PCDHGB6: variants seen among roughly 807,000 people sequenced by gnomAD.
PCDHGB6 encodes the protein protocadherin gamma subfamily B, 6.
A neutral mutation model predicts 59.1 loss-of-function variants in PCDHGB6; 51 were observed. The ratio of observed to expected loss-of-function variants is 0.86; its 90% CI spans 0.69 to 1.09. The LOEUF is 1.09. Among genes scored for constraint, PCDHGB6 ranks in the 50% least tolerant of loss-of-function variants. The pLI, the probability that PCDHGB6 is intolerant of heterozygous loss-of-function variation, is 0.00. For synonymous variants in PCDHGB6, 466 were observed against 495.1 expected (o/e 0.94, Z 0.78); for missense variants, 1,148 against 1,205.1 (o/e 0.95, Z 0.70).
chr5:141,474,710 A>T (rs535069070), intron 1 of PCDHGB6, among the ~76,000 whole-genome samples: 31 of 152,330 alleles, frequency 2.0e-4, no homozygotes, highest in African/African-American at 6.3e-4. Context: ...GTTCTATTAT[A>T]CTTCAAAAGG....
At chr5:141,439,523 T>A (rs2098118339) in intron 1 of PCDHGB6, among the ~76,000 whole-genome samples, 1 of 152,202 alleles carries the variant, frequency 6.6e-6, no homozygotes, top group African/African-American at 2.4e-5. Context: ...CAACTAACTC[T>A]ACAGAACGCT....
Position 141,432,236 on chromosome 5 carries a change from G to A in PCDHGB6, c.2418+21616G>A, listed in dbSNP as rs752735346. On this transcript the variant is annotated intron_variant, in intron 1 of 3. Coordinates refer to ENST00000520790, the MANE Select transcript of PCDHGB6 (RefSeq NM_018926.3). This position sits in a 1 kb window ranked among gnomAD's most constrained non-coding sequence, Gnocchi z 6.0. ...CGCCCAGATCACTTATTCCCTGGCT[G>A]AGAACACCATCCAAGGGGCAAGCCT... is the stretch of plus-strand genomic sequence containing the variant. The A allele has an allele frequency of 8.7e-6, 14 of 1,614,130 alleles. No individual in the cohort carries two copies. The African/African-American group carries it at 9.3e-5, about 11-fold the overall frequency.
chr5:141,413,600 T>C lies in PCDHGB6; in HGVS notation c.2418+2980T>C, dbSNP rs767830855. The C allele has an allele frequency of 3.7e-6, 6 of 1,613,868 alleles. No individual in the cohort carries two copies. The Admixed American group carries it at 8.3e-5, about 22-fold the overall frequency. Reference sequence around the variant, plus strand: ...GCTCCAAAATTCCAAGCAGAAAATCTAGACGTAAAAATTAATGAAAATGTC... The same window carrying C: ...GCTCCAAAATTCCAAGCAGAAAATCCAGACGTAAAAATTAATGAAAATGTC... On this transcript the variant is annotated intron_variant, in intron 1 of 3. Transcript: ENST00000520790.
chr5:141,430,832 G>A (rs1398773861), intron 1 of PCDHGB6: 1 of 1,555,686 alleles, frequency 6.4e-7, no homozygotes, highest in South Asian at 1.3e-5. Flanking sequence ...GACTCTGTGG[G>A]AGACCGGATG....
Position 141,511,628 on chromosome 5 carries a change from G to C in PCDHGB6, c.*455G>C, listed in dbSNP as rs4912608. 0.2 allele frequency: 46,780 copies of C among 231,598 alleles called. 5,185 individuals are homozygous for C. The highest frequency in any genetic ancestry group is 0.32 in the Admixed American group (6,204 of 19,590). The allele number at this position is 231,598 out of a possible 1,614,324, so 14.3% of individuals were successfully genotyped here. A position where few individuals can be genotyped will look rare whatever the true frequency, so the allele number is the denominator to read the frequency against. On this transcript the variant is annotated 3_prime_UTR_variant, in exon 4 of 4. Transcript: ENST00000520790. ...CAAGCCTCCTAGTTCTGAAAAGTTG[G>C]AAGGGCATCATGACCTCTTGGCCTC...
At chr5:141,459,863 G>A (rs182099511) in intron 1 of PCDHGB6, among the ~76,000 whole-genome samples, 2 of 152,242 alleles carry the variant, frequency 1.3e-5, no homozygotes, top group East Asian at 1.9e-4. Context: ...TGAAGCATTC[G>A]TTCATCTTTA....
At position 141,487,235 on chromosome 5, in the gene PCDHGB6, C is replaced by A. The variant is rs752316565; in HGVS notation, c.2419-7572C>A. ...TTCAGCTCCAAGGGAAGGAGAATCT[C>A]GTCTAACCCTCTACTTGGCTGTGTC... On this transcript the variant is annotated intron_variant, in intron 1 of 3. Coordinates refer to ENST00000520790, the MANE Select transcript of PCDHGB6 (RefSeq NM_018926.3). This position sits in a 1 kb window ranked among gnomAD's most constrained non-coding sequence, Gnocchi z 5.0. 11 of 1,614,126 alleles carry A rather than the reference C, an allele frequency of 6.8e-6. No homozygotes were observed. The highest frequency in any genetic ancestry group is 7.6e-6 in the Non-Finnish European group (9 of 1,179,994).
intron 1 of PCDHGB6, among the ~76,000 whole-genome samples, chr5:141,475,171 C>A (rs545499118): frequency 6.6e-6 from 1 of 152,164 alleles, no homozygotes; most frequent in African/African-American, 2.4e-5. Context: ...AGCAGTGCAA[C>A]TTCTTGTGGC....
intron 1 of PCDHGB6, among the ~76,000 whole-genome samples, chr5:141,481,063 C>T (rs2154578481): frequency 6.6e-6 from 1 of 151,952 alleles, no homozygotes; most frequent in Middle Eastern, 3.4e-3. Context: ...ACCTCAAAAA[C>T]AAAAAGAAAG....
At chr5:141,469,374 A>G (rs1270202528) in intron 1 of PCDHGB6, among the ~76,000 whole-genome samples, 1 of 152,076 alleles carries the variant, frequency 6.6e-6, no homozygotes, top group Non-Finnish European at 1.5e-5. Flanking sequence ...AAAGAGATCG[A>G]GACCATCCTG....
chr5:141,491,071 C>A lies in PCDHGB6; in HGVS notation c.2419-3736C>A, dbSNP rs987564933. ...TGCGTGGCTCTCCTACTCACTGTTG[C>A]CACAGTCCACAGCCCCAGGACTGTT... On this transcript the variant is annotated intron_variant, in intron 1 of 3. Transcript: ENST00000520790. This position sits in a 1 kb window ranked among gnomAD's most constrained non-coding sequence, Gnocchi z 6.9. 2 of 1,614,034 alleles carry A rather than the reference C, an allele frequency of 1.2e-6. No individual in the cohort carries two copies. The highest frequency in any genetic ancestry group is 1.7e-6 in the Non-Finnish European group (2 of 1,180,036).
chr5:141,419,662 T>C (rs767190243), intron 1 of PCDHGB6: 140 of 1,612,700 alleles, frequency 8.7e-5, no homozygotes, highest in South Asian at 2.2e-5. Flanking sequence ...CGGGGCACAA[T>C]GCCTGGCTGT....
intron 1 of PCDHGB6, among the ~76,000 whole-genome samples, chr5:141,474,643 CCTTA>C (rs1474125632): frequency 1.3e-5 from 2 of 152,134 alleles, no homozygotes; most frequent in Admixed American, 1.3e-4. Flanking sequence ...TCCTATATAT[CCTTA>C]CTTCTTTTCT....
rs766784928 is a variant in PCDHGB6, at chr5:141,431,447, G to T, written c.2418+20827G>T. ...GCGCACAGGCACCGCGCGCATCCGC[G>T]TGATGGTTCTGGATGCGAACGACAA... On this transcript the variant is annotated intron_variant, in intron 1 of 3. Coordinates refer to ENST00000520790, the MANE Select transcript of PCDHGB6 (RefSeq NM_018926.3). The surrounding 1 kb of genome is among the most constrained non-coding windows in gnomAD (Gnocchi z 4.8). 2 of 1,613,792 alleles carry T rather than the reference G, an allele frequency of 1.2e-6. No individual in the cohort carries two copies. The highest frequency in any genetic ancestry group is 1.7e-6 in the Non-Finnish European group (2 of 1,180,014).
chr5:141,473,930 G>T (rs966856411), intron 1 of PCDHGB6, among the ~76,000 whole-genome samples: 3 of 152,156 alleles, frequency 2.0e-5, no homozygotes, highest in Admixed American at 6.5e-5. Flanking sequence ...TGAGCTGGGT[G>T]CAGTAGCTCA....
chr5:141,427,105 A>C (rs1413188668), intron 1 of PCDHGB6: 1 of 457,776 alleles, frequency 2.2e-6, no homozygotes, highest in Non-Finnish European at 4.4e-6. Flanking sequence ...GTCAATGCGG[A>C]GATCACCTAC....
At chr5:141,510,579 C>T (rs2099881748) in intron 3 of PCDHGB6, among the ~76,000 whole-genome samples, 1 of 152,170 alleles carries the variant, frequency 6.6e-6, no homozygotes, top group Non-Finnish European at 1.5e-5. Flanking sequence ...CACTATTTTA[C>T]GTACCTGACA....
At chr5:141,501,290 T>TACACACACAC (rs55762287) in intron 2 of PCDHGB6, among the ~76,000 whole-genome samples, 12 of 136,162 alleles carry the variant, frequency 8.8e-5, no homozygotes, top group Admixed American at 4.7e-4. Context: ...TATTCCCTTA[T>TACACACACAC]ACACACACAC....
intron 1 of PCDHGB6, among the ~76,000 whole-genome samples, chr5:141,482,530 C>CAAAAAAAAAAAAAA (rs3074545): frequency 1.2e-4 from 9 of 76,558 alleles, no homozygotes; most frequent in African/African-American, 3.8e-4. Flanking sequence ...GACAGACATG[C>CAAAAAAAAAAAAAA]AAAAAAAAAA....
Sources: allele counts gnomAD v4.1 joint callset (sites outside exome capture counted in the v4.1 genomes callset), GRCh38; gene constraint gnomAD v4.1.1; non-coding constraint Gnocchi (gnomAD v3.1); transcripts MANE v1.5; gene names NCBI Gene and HGNC (gene_info 2026-07-23, HGNC 2026-07-21).